KCNK16: variants seen among roughly 807,000 people sequenced by gnomAD.
The protein encoded by KCNK16 is potassium channel subfamily K member 16.
Under a neutral mutation model 23.0 loss-of-function variants are expected in KCNK16, and 23 were observed. That is an observed-to-expected ratio of 1.00 (90% confidence interval 0.72 to 1.41). The LOEUF (loss-of-function observed/expected upper bound fraction) is 1.41, where lower values mean the gene tolerates loss of function less well. Among genes scored for constraint, KCNK16 ranks in the 40% most tolerant of loss-of-function variants. KCNK16 has a pLI of 0.00. For synonymous variants in KCNK16, 145 were observed against 153.5 expected (o/e 0.94, Z 0.41); for missense variants, 327 against 365.8 (o/e 0.89, Z 0.87).
intron 1 of KCNK16, among the ~76,000 whole-genome samples, chr6:39,320,528 G>T (rs145402427): frequency 6.6e-6 from 1 of 152,328 alleles, no homozygotes; most frequent in Admixed American, 6.5e-5. Flanking sequence ...TTTAATACTA[G>T]TTACTCAACT....
chr6:39,315,430 G>A, downstream of KCNK16: 6 of 1,549,452 alleles, frequency 3.9e-6, no homozygotes, highest in Non-Finnish European at 5.2e-6. Context: ...TAAGGGGGTG[G>A]CCTGTGAGGG....
Position 39,322,564 on chromosome 6 carries a change from G to A in KCNK16, c.-24C>T, listed in dbSNP as rs1340859341. The A allele has an allele frequency of 6.4e-7, 1 of 1,565,398 alleles. No homozygotes were observed. The highest frequency in any genetic ancestry group is 1.8e-5 in the Admixed American group (1 of 54,054). On this transcript the variant is annotated 5_prime_UTR_variant, in exon 1 of 5. Transcript: ENST00000437525. ...ATGCTGTGGCCAGGACCCTGCCAGGGCCGTGGGGCTGGCTATGGGGGAGAG... is the reference window on the plus strand; with the variant it reads ...ATGCTGTGGCCAGGACCCTGCCAGGACCGTGGGGCTGGCTATGGGGGAGAG...
At chr6:39,315,258 G>T (rs1216518983), downstream of KCNK16, 5 of 1,601,502 alleles carry the variant, frequency 3.1e-6, no homozygotes, top group Non-Finnish European at 4.3e-6. Flanking sequence ...TTGCAGTCTG[G>T]CAGGGGAAAG....
rs1382762628 is a variant in KCNK16 at position 39,322,468 on chromosome 6, G to A, written c.73C>T (p.Leu25=). The change falls in exon 1 of 5, where the codon CTG becomes TTG. Residue 25 remains leucine (L), a synonymous_variant. Coordinates refer to ENST00000437525, the MANE Select transcript of KCNK16 (RefSeq NM_001135106.2). ...TGGAAGATAGTGGCACCGAGCAGCA[G>A]GTAGCAGACATAGGCCAGCAGCAGG... ...LPLLLAYVCY[L]LLGATIFQLL... 2 of 1,613,990 alleles carry A rather than the reference G, an allele frequency of 1.2e-6. No homozygotes were observed. Among genetic ancestry groups the A allele is most frequent in the Admixed American group, 3.3e-5 (2 of 60,014 alleles).
At chr6:39,314,852 C>T (rs1435802208), downstream of KCNK16, 2 of 782,216 alleles carry the variant, frequency 2.6e-6, no homozygotes, top group African/African-American at 3.5e-5. Context: ...AAAGAGGGAC[C>T]CCAGCTGATT....
intron 1 of KCNK16, among the ~76,000 whole-genome samples, chr6:39,320,069 G>A (rs1762460539): frequency 6.6e-6 from 1 of 152,130 alleles, no homozygotes; most frequent in South Asian, 2.1e-4. Flanking sequence ...GAGCCCCAAA[G>A]GCAGGAGGAA....
At chr6:39,321,684 ACC>A (rs1286840194) in intron 1 of KCNK16, among the ~76,000 whole-genome samples, 2 of 152,216 alleles carry the variant, frequency 1.3e-5, no homozygotes, top group Non-Finnish European at 2.9e-5. Flanking sequence ...GAAAGAGGAA[ACC>A]AGAAAGGACC....
At chr6:39,314,683 A>C, downstream of KCNK16, 1 of 406,870 alleles carries the variant, frequency 2.5e-6, no homozygotes. Context: ...GACTTCTGGA[A>C]ACCGCACTCA....
At chr6:39,317,998 C>T in intron 2 of KCNK16, 46 bp from the exon 3 acceptor site, 1 of 1,520,462 alleles carries the variant, frequency 6.6e-7, no homozygotes, top group Non-Finnish European at 8.8e-7. Context: ...CTCTAGAACG[C>T]CCTCTGCTCC....
chr6:39,322,099 G>A (rs1109798), intron 1 of KCNK16, among the ~76,000 whole-genome samples: 60,772 of 152,136 alleles, frequency 0.4, 12,371 homozygotes, highest in Admixed American at 0.46. Context: ...AGATGAGGCT[G>A]TTTGGGTCCA....
chr6:39,317,997 G>A lies in KCNK16; in HGVS notation c.329-45C>T, dbSNP rs373601894. 4.8e-5 allele frequency: 74 copies of A among 1,529,182 alleles called. No individual in the cohort carries two copies. In the African/African-American group the frequency reaches 8.0e-4, roughly 17 times the overall value. 94.7% of individuals were successfully genotyped at this position (1,529,182 alleles called of 1,614,324 possible). On this transcript the variant is annotated intron_variant, in intron 2 of 4. Transcript: ENST00000437525. ...TGTGCAAATATGGAGACTCTAGAAC[G>A]CCCTCTGCTCCTCTTCCCCAGACTC...
chr6:39,316,181 G>C lies in KCNK16; in HGVS notation c.*38C>G, dbSNP rs1762299040. The C allele has an allele frequency of 3.4e-6, 5 of 1,485,594 alleles. No homozygotes were observed. Among genetic ancestry groups the C allele is most frequent in the Non-Finnish European group, 3.6e-6 (4 of 1,118,600 alleles). 92.0% of individuals were successfully genotyped at this position (1,485,594 alleles called of 1,614,324 possible). On this transcript the variant is annotated 3_prime_UTR_variant, in exon 5 of 5. Coordinates refer to ENST00000437525, the MANE Select transcript of KCNK16 (RefSeq NM_001135106.2). Reference sequence around the variant, plus strand: ...CAGAGAGCAGATAGGGTGGGACTGGGGAGGATGAAAGGGGTTTCTGGGCCC... The same window carrying C: ...CAGAGAGCAGATAGGGTGGGACTGGCGAGGATGAAAGGGGTTTCTGGGCCC...
In KCNK16 at chr6:39,322,462, GC is replaced by G. The variant is rs1562092941; in HGVS notation, c.78del (p.Leu27SerfsTer9). 37 of 1,613,984 alleles carry G rather than the reference GC, an allele frequency of 2.3e-5. No individual in the cohort carries two copies. The highest frequency in any genetic ancestry group is 3.1e-5 in the Non-Finnish European group (36 of 1,180,016). On this transcript the variant is annotated frameshift_variant, in exon 1 of 5. Transcript: ENST00000437525. LOFTEE classifies it high-confidence loss of function. ...PLLLAYVCYL[L>X]LGATIFQLLE... ...AGCAGCTGGAAGATAGTGGCACCGA[GC>G]AGCAGGTAGCAGACATAGGCCAGCA...
chr6:39,322,237 C>A (rs959437585), intron 1 of KCNK16, 91 bp downstream of exon 1: 1 of 1,521,934 alleles, frequency 6.6e-7, no homozygotes, highest in Middle Eastern at 1.7e-4. Flanking sequence ...GGCATCAGCT[C>A]CTGGGTGAGG....
In KCNK16 at chr6:39,322,472, G is replaced by A. The variant is rs200870556; in HGVS notation, c.69C>T (p.Cys23=). The change falls in exon 1 of 5, where the codon TGC becomes TGT. Residue 23 remains cysteine, a synonymous_variant. Transcript: ENST00000437525. The stretch of plus-strand genomic sequence containing the variant: ...AGATAGTGGCACCGAGCAGCAGGTA[G>A]CAGACATAGGCCAGCAGCAGGGGCA... ...RVLPLLLAYV[C]YLLLGATIFQ... is the part of the protein sequence containing the mutation. The A allele has an allele frequency of 1.3e-5, 21 of 1,613,862 alleles. No individual in the cohort carries two copies. In the East Asian group the frequency reaches 4.5e-4, roughly 34 times the overall value.
At chr6:39,320,743 G>A (rs980360135) in intron 1 of KCNK16, among the ~76,000 whole-genome samples, 11 of 152,154 alleles carry the variant, frequency 7.2e-5, no homozygotes, top group South Asian at 4.1e-4. Context: ...GCAATCAAGC[G>A]GATGGCCTCC....
At chr6:39,322,716 T>C, upstream of KCNK16, 3 of 995,116 alleles carry the variant, frequency 3.0e-6, no homozygotes, top group Non-Finnish European at 4.3e-6. Flanking sequence ...TCAGCTTGGC[T>C]GCACTAAGTG....
chr6:39,322,574 T>C lies in KCNK16; in HGVS notation c.-34A>G. 6.4e-7 allele frequency: 1 copy of C among 1,550,694 alleles called. No individual in the cohort carries two copies. The highest frequency in any genetic ancestry group is 8.7e-7 in the Non-Finnish European group (1 of 1,152,590). On this transcript the variant is annotated 5_prime_UTR_variant, in exon 1 of 5. Coordinates refer to ENST00000437525, the MANE Select transcript of KCNK16 (RefSeq NM_001135106.2). ...CAGGACCCTGCCAGGGCCGTGGGGC[T>C]GGCTATGGGGGAGAGGTGGGAAACA...
upstream of KCNK16, chr6:39,322,839 G>A (rs77065025): frequency 3.9e-3 from 1,513 of 391,844 alleles, 19 homozygotes; most frequent in African/African-American, 0.027. Flanking sequence ...TCTCCTGAGT[G>A]CTTCATGTCT....
Sources: allele counts gnomAD v4.1 joint callset (sites outside exome capture counted in the v4.1 genomes callset), GRCh38; gene constraint gnomAD v4.1.1; transcripts MANE v1.5; gene names NCBI Gene and HGNC (gene_info 2026-07-23, HGNC 2026-07-21).